The following ATP10B variants were observed in gnomAD, a reference collection of about 807,000 sequenced individuals.
ATP10B encodes the protein ATPase phospholipid transporting 10B (putative), also known as phospholipid-transporting ATPase VB.
In ATP10B, 122 loss-of-function variants were observed where a neutral mutation model predicts 141.2. The observed-to-expected ratio is 0.86, with a 90% CI of 0.75 to 1.00. The LOEUF is 1.00. ATP10B is among the 50% of genes least tolerant of loss of function. The probability of loss-of-function intolerance (pLI) is 0.00; values close to 1 mark genes in which losing one functional copy is unlikely to be tolerated. For missense variants in ATP10B, 1,876 were observed against 1,825.3 expected, an observed-to-expected ratio of 1.03 and a Z score of -0.51; for synonymous variants, 685 against 692.0, an observed-to-expected ratio of 0.99 and a Z score of 0.16.
At chr5:160,615,027 C>G (rs1561655321) in intron 17 of ATP10B, among the ~76,000 whole-genome samples, 1 of 152,232 alleles carries the variant, frequency 6.6e-6, no homozygotes. Flanking sequence ...CACAGCCTGT[C>G]TCTTAATCAG....
Position 160,615,820 on chromosome 5 carries a change from T to C in ATP10B, c.2653+18A>G, listed in dbSNP as rs367552453. ...CTGCATTCCTTTTTTCCTATAATAA[T>C]GACTTATTTTTAGCTACCAAGTAAG... On this transcript the variant is annotated intron_variant, in intron 17 of 25. Transcript: ENST00000327245. 2.5e-5 allele frequency: 40 copies of C among 1,606,286 alleles called. No individual in the cohort carries two copies. The African/African-American group carries it at 2.8e-4, about 11-fold the overall frequency.
rs142628380 is a variant in ATP10B, at chr5:160,734,603, A to T, written c.-330-17569T>A. On this transcript the variant is annotated intron_variant, in intron 2 of 25. Coordinates refer to ENST00000327245, the MANE Select transcript of ATP10B (RefSeq NM_025153.3). ...AAAAAAATGTGAAAAGTGTAGCTTA[A>T]AAAGTCAAGATAAAAATTAAAACAA... Among the ~76,000 whole-genome samples, 180 of 152,156 alleles carry T rather than the reference A, an allele frequency of 1.2e-3. 1 individual carries two copies. The highest frequency in any genetic ancestry group is 4.2e-3 in the African/African-American group (173 of 41,568).
rs1390587435 is a variant in ATP10B, at chr5:160,612,935, T to A, written c.2654-10A>T. The A allele has an allele frequency of 1.2e-6, 2 of 1,606,148 alleles. No individual in the cohort carries two copies. The highest frequency in any genetic ancestry group is 2.2e-5 in the East Asian group (1 of 44,744). ...TCGATCCCAGTGGCTCCTGGAGTGA[T>A]GAAAAACAACAGAGTTCACATTTAT... On this transcript the variant is annotated splice_polypyrimidine_tract_variant and intron_variant, in intron 17 of 25. Coordinates refer to ENST00000327245, the MANE Select transcript of ATP10B (RefSeq NM_025153.3).
At chr5:160,830,658 CTG>C (rs1162320784) in intron 1 of ATP10B, among the ~76,000 whole-genome samples, 2 of 151,512 alleles carry the variant, frequency 1.3e-5, no homozygotes, top group Non-Finnish European at 1.5e-5. Context: ...GTATGAAACT[CTG>C]GATTTTTTTT....
chr5:160,728,955 G>A (rs978055310), intron 2 of ATP10B, among the ~76,000 whole-genome samples: 1 of 152,280 alleles, frequency 6.6e-6, no homozygotes, highest in South Asian at 2.1e-4. Flanking sequence ...TGGGAATGGT[G>A]GTTTGTTGCT....
chr5:160,638,185 A>G (rs74616847), intron 10 of ATP10B, among the ~76,000 whole-genome samples: 5,748 of 152,276 alleles, frequency 0.038, 119 homozygotes, highest in African/African-American at 0.064. Flanking sequence ...TTAATTAGGC[A>G]TCATCAGAGT....
the ATP10B span, among the ~76,000 whole-genome samples, chr5:160,919,686 T>C: frequency 6.6e-6 from 1 of 152,158 alleles, no homozygotes; most frequent in African/African-American, 2.4e-5. Flanking sequence ...CTGATCTCTG[T>C]CATGTCAATG....
chr5:160,649,008 GAA>G (rs1760506970), intron 8 of ATP10B, among the ~76,000 whole-genome samples, 161 bp downstream of exon 8: 1 of 121,268 alleles, frequency 8.2e-6, no homozygotes, highest in African/African-American at 3.2e-5. Context: ...AAAAAAAATA[GAA>G]AAAGTTTCCC....
intron 7 of ATP10B, among the ~76,000 whole-genome samples, chr5:160,663,503 G>A (rs1158501374): frequency 3.3e-5 from 5 of 152,142 alleles, no homozygotes; most frequent in Admixed American, 6.6e-5. Context: ...CATGGATGAA[G>A]CTGCAAACCA....
At chr5:160,673,387 T>G (rs563488015) in intron 6 of ATP10B, among the ~76,000 whole-genome samples, 2 of 152,286 alleles carry the variant, frequency 1.3e-5, no homozygotes, top group East Asian at 3.9e-4. Flanking sequence ...AAACAGGATA[T>G]CCATCCCTTC....
intron 1 of ATP10B, among the ~76,000 whole-genome samples, chr5:160,798,236 C>G (rs191237712): frequency 6.6e-6 from 1 of 152,136 alleles, no homozygotes; most frequent in Non-Finnish European, 1.5e-5. Context: ...TAGAGCTCAG[C>G]TGGTGAAGTT....
intron 6 of ATP10B, among the ~76,000 whole-genome samples, chr5:160,673,929 G>T (rs1368278859): frequency 6.6e-6 from 1 of 152,186 alleles, no homozygotes; most frequent in Non-Finnish European, 1.5e-5. Context: ...TTGAGAGAGT[G>T]CTTTAAAGTG....
chr5:160,854,257 A>C (rs1038558068), upstream of ATP10B, among the ~76,000 whole-genome samples: 4 of 152,100 alleles, frequency 2.6e-5, no homozygotes, highest in Non-Finnish European at 5.9e-5. Context: ...TACACGTGCC[A>C]TGGTGGTTTG....
the ATP10B span, among the ~76,000 whole-genome samples, chr5:160,923,981 G>A: frequency 6.6e-6 from 1 of 152,276 alleles, no homozygotes; most frequent in African/African-American, 2.4e-5. Context: ...TTACCTATTG[G>A]GACATTCCCT....
intron 6 of ATP10B, among the ~76,000 whole-genome samples, chr5:160,678,801 C>T (rs1277406779): frequency 2.0e-5 from 3 of 152,108 alleles, no homozygotes; most frequent in East Asian, 1.9e-4. Flanking sequence ...AATGGAGGCT[C>T]AAGTGACCAA....
chr5:160,912,625 G>T, the ATP10B span, among the ~76,000 whole-genome samples: 1 of 128,868 alleles, frequency 7.8e-6, no homozygotes, highest in Non-Finnish European at 1.7e-5. Flanking sequence ...AAGAAAAGAA[G>T]AGAAAAGAAA....
chr5:160,852,665 A>G (rs1289850643), upstream of ATP10B, among the ~76,000 whole-genome samples: 1 of 152,174 alleles, frequency 6.6e-6, no homozygotes, highest in Non-Finnish European at 1.5e-5. Context: ...AATATATTAT[A>G]GTGGCAGATT....
rs28754562 is a variant in ATP10B, at chr5:160,573,690, G to A, written c.3751-4007C>T. Among the ~76,000 whole-genome samples, 355 of 152,244 alleles carry A rather than the reference G, an allele frequency of 2.3e-3. 2 individuals are homozygous for A. Among genetic ancestry groups the A allele is most frequent in the African/African-American group, 8.3e-3 (345 of 41,550 alleles). On this transcript the variant is annotated intron_variant, in intron 24 of 25. Transcript: ENST00000327245. ...ACTCAAATGCCTGATGATCTGAGGTGGAACAGTTTCATTCCAAACCACCTC... is the reference window on the plus strand; with the variant it reads ...ACTCAAATGCCTGATGATCTGAGGTAGAACAGTTTCATTCCAAACCACCTC...
At chr5:160,750,970 G>C (rs1052433319) in intron 2 of ATP10B, among the ~76,000 whole-genome samples, 3 of 152,164 alleles carry the variant, frequency 2.0e-5, no homozygotes, top group African/African-American at 7.2e-5. Flanking sequence ...TTTCCTAAGA[G>C]AAATCTGCCT....
Sources: allele counts gnomAD v4.1 joint callset (sites outside exome capture counted in the v4.1 genomes callset), GRCh38; gene constraint gnomAD v4.1.1; transcripts MANE v1.5; gene names NCBI Gene and HGNC (gene_info 2026-07-23, HGNC 2026-07-21).